The following WNK4 variants were observed in gnomAD, a reference collection of about 807,000 sequenced individuals.
WNK4 encodes serine/threonine-protein kinase WNK4.
Under a neutral mutation model 116.2 loss-of-function variants are expected in WNK4, and 94 were observed. That is an observed-to-expected ratio of 0.81 (90% CI 0.68 to 0.96). WNK4 has a LOEUF of 0.96. Among genes scored for constraint, WNK4 ranks in the 40% least tolerant of loss-of-function variants. WNK4 has a pLI of 0.00. For missense variants in WNK4, 1,542 were observed against 1,650.6 expected (o/e 0.93, Z 1.14); for synonymous variants, 655 against 672.7 (o/e 0.97, Z 0.41).
chr17:42,794,950 CT>C lies in WNK4; in HGVS notation c.2530del (p.Ser844ProfsTer91). 6.3e-7 allele frequency: 1 copy of C among 1,594,158 alleles called. No individual in the cohort carries two copies. Among genetic ancestry groups the C allele is most frequent in the South Asian group, 1.1e-5 (1 of 90,652 alleles). On this transcript the variant is annotated frameshift_variant, in exon 14 of 19. Coordinates refer to ENST00000246914, the MANE Select transcript of WNK4 (RefSeq NM_032387.5). LOFTEE classifies it high-confidence loss of function. ...PPCHPSPSPFSPISSQVSSNP... is the reference protein window; with the variant it reads ...PPCHPSPSPFXPISSQVSSNP... ...CATGTCATCCCAGCCCCTCCCCATT[CT>C]CCCCCATTTCTTCCCAGGTCTCCTC...
intron 11 of WNK4, 62 bp downstream of exon 11, chr17:42,788,859 G>A (rs2054581197): frequency 7.2e-7 from 1 of 1,386,296 alleles, no homozygotes; most frequent in Admixed American, 1.7e-5. Context: ...CCTTCCTGAT[G>A]TCCGCTGGGG....
intron 17 of WNK4, 49 bp from the exon 18 acceptor site, chr17:42,796,432 A>G: frequency 6.2e-7 from 1 of 1,612,112 alleles, no homozygotes; most frequent in African/African-American, 1.3e-5. Context: ...CCCTCTCCCC[A>G]CCTCCCCTTT....
intron 11 of WNK4, among the ~76,000 whole-genome samples, chr17:42,791,326 C>G (rs1193417186): frequency 1.3e-5 from 2 of 152,232 alleles, no homozygotes. Context: ...TTCAGCTACA[C>G]TTGAGTCCTC....
chr17:42,793,676 T>C lies in WNK4; in HGVS notation c.2242T>C (p.Leu748=). ...GATTATCCAGCGAGTGGAGACCCTG[T>C]TGAAGAGAGACACTGGCCCCATGGA... is the stretch of plus-strand genomic sequence containing the variant. ...REIIQRVETL[L]KRDTGPMEAA... is the part of the protein sequence containing the mutation. Residue 748 remains leucine (L), a synonymous_variant, in exon 12 of 19, where the codon TTG becomes CTG. Coordinates refer to ENST00000246914, the MANE Select transcript of WNK4 (RefSeq NM_032387.5). 6.2e-6 allele frequency: 10 copies of C among 1,614,060 alleles called. No homozygotes were observed. The highest frequency in any genetic ancestry group is 8.5e-6 in the Non-Finnish European group (10 of 1,179,998).
At chr17:42,785,027 G>A (rs61754355) in intron 4 of WNK4, 70 bp from the exon 5 acceptor site, 18 of 1,484,776 alleles carry the variant, frequency 1.2e-5, no homozygotes, top group Non-Finnish European at 1.6e-5. Flanking sequence ...TGGAGTAAGG[G>A]GTGGGGGGTG....
rs558369983 is a variant in WNK4 at position 42,784,321 on chromosome 17, G to A, written c.1013-101G>A. On this transcript the variant is annotated intron_variant, in intron 3 of 18. Transcript: ENST00000246914. The surrounding 1 kb of genome is among the most constrained non-coding windows in gnomAD (Gnocchi z 4.4). ...ACCCACCTCAACCCCACTGTGGGCC[G>A]GGGTCACTTGCACTCGCAGGGTTGC... 6.2e-5 allele frequency: 96 copies of A among 1,554,584 alleles called. 1 individual carries two copies. The South Asian group carries it at 1.0e-3, about 16-fold the overall frequency.
intron 6 of WNK4, among the ~76,000 whole-genome samples, chr17:42,786,285 G>A (rs901306495): frequency 2.6e-5 from 4 of 152,198 alleles, no homozygotes; most frequent in African/African-American, 7.2e-5. Context: ...CAAAGCTTGC[G>A]GCTAAAAGGA....
Position 42,784,932 on chromosome 17 carries a change from G to C in WNK4, c.1171-165G>C, listed in dbSNP as rs1338048277. ...AGATCACACTGTAAATACTTGGGGG[G>C]GGGGCGGGGATTAGGATTTGAAATC... On this transcript the variant is annotated intron_variant, in intron 4 of 18. Transcript: ENST00000246914. The surrounding 1 kb of genome is among the most constrained non-coding windows in gnomAD (Gnocchi z 4.4). Among the ~76,000 whole-genome samples the C allele has an allele frequency of 1.4e-4, 21 of 150,502 alleles. No individual in the cohort carries two copies. Among genetic ancestry groups the C allele is most frequent in the East Asian group, 3.9e-4 (2 of 5,112 alleles).
rs746335473 is a variant in WNK4, at chr17:42,788,202, C to T, written c.1922+14C>T. 1.9e-6 allele frequency: 3 copies of T among 1,614,150 alleles called. No individual in the cohort carries two copies. The highest frequency in any genetic ancestry group is 2.5e-6 in the Non-Finnish European group (3 of 1,180,020). On this transcript the variant is annotated intron_variant, in intron 9 of 18. Transcript: ENST00000246914. Reference sequence around the variant, plus strand: ...CCCCGGGGACAGGTATGTTCTGGTACAAGTTGGGGTGCCAGGGTGAGACAC... The same window carrying T: ...CCCCGGGGACAGGTATGTTCTGGTATAAGTTGGGGTGCCAGGGTGAGACAC...
chr17:42,785,578 C>T, intron 6 of WNK4, 96 bp downstream of exon 6: 3 of 1,396,784 alleles, frequency 2.1e-6, no homozygotes, highest in Non-Finnish European at 3.0e-6. Flanking sequence ...GGGGTGGCAG[C>T]GATGGGGGCG....
chr17:42,782,910 G>T lies in WNK4; in HGVS notation c.771G>T (p.Met257Ile). 1 of 1,614,134 alleles carries T rather than the reference G, an allele frequency of 6.2e-7. No individual in the cohort carries two copies. Among genetic ancestry groups the T allele is most frequent in the Non-Finnish European group, 8.5e-7 (1 of 1,180,004 alleles). ...QVCIVLVTEL[M>I]TSGTLKTYLR... ...GCATCGTGCTGGTCACCGAACTCAT[G>T]ACCTCGGGCACGCTCAAGACGTGAG... The change falls in exon 2 of 19, where the codon ATG (methionine) becomes ATT (isoleucine). Residue 257 changes from methionine to isoleucine, a missense_variant. Met to Ile is a conservative substitution (Grantham distance 10). Transcript: ENST00000246914. This position sits in a 1 kb window ranked among gnomAD's most constrained non-coding sequence, Gnocchi z 4.2.
Position 42,794,876 on chromosome 17 carries a change from C to T in WNK4, c.2455C>T (p.Pro819Ser). The change falls in exon 14 of 19, where the codon CCT becomes TCT. Residue 819 changes from proline (P) to serine (S), a missense_variant. Physicochemically the swap from Pro to Ser is moderately conservative, Grantham distance 74. Coordinates refer to ENST00000246914, the MANE Select transcript of WNK4 (RefSeq NM_032387.5). ...TTTGTCTCCTGGAAACCCATTTTCCCCTGGAACCCCCATTTCCCCAGGTCC... is the reference window on the plus strand; with the variant it reads ...TTTGTCTCCTGGAAACCCATTTTCCTCTGGAACCCCCATTTCCCCAGGTCC... ...TPLSPGNPFS[P>S]GTPISPGPIF... 6.2e-7 allele frequency: 1 copy of T among 1,613,788 alleles called. No homozygotes were observed. The highest frequency in any genetic ancestry group is 8.5e-7 in the Non-Finnish European group (1 of 1,179,922).
At position 42,794,767 on chromosome 17, in the gene WNK4, C is replaced by T; in HGVS notation, c.2351-5C>T. Reference sequence around the variant, plus strand: ...ACTGTGGTCTCAACATACCCTCCTTCCCAGAAGAGCTCCAGAGCAGCACCT... The same window carrying T: ...ACTGTGGTCTCAACATACCCTCCTTTCCAGAAGAGCTCCAGAGCAGCACCT... On this transcript the variant is annotated splice_region_variant and splice_polypyrimidine_tract_variant and intron_variant, in intron 13 of 18. Transcript: ENST00000246914. The T allele has an allele frequency of 6.2e-7, 1 of 1,613,968 alleles. No individual in the cohort carries two copies. The highest frequency in any genetic ancestry group is 8.5e-7 in the Non-Finnish European group (1 of 1,179,970).
In WNK4 at chr17:42,781,015, C is replaced by A; in HGVS notation, c.317C>A (p.Pro106His). 2 of 1,610,562 alleles carry A rather than the reference C, an allele frequency of 1.2e-6. No individual in the cohort carries two copies. Among genetic ancestry groups the A allele is most frequent in the Non-Finnish European group, 1.7e-6 (2 of 1,179,254 alleles). The part of the protein sequence containing the change: ...RSPPPSSKEP[P>H]EGTWTEGAPV... The stretch of plus-strand genomic sequence containing the variant: ...CCACCGCCTAGCTCCAAAGAACCCC[C>A]CGAGGGCACGTGGACCGAGGGAGCC... The change falls in exon 1 of 19, where the codon CCC becomes CAC. Residue 106 changes from proline to histidine, a missense_variant. Around this residue, in one of 7 missense-constraint regions of WNK4, gnomAD observed 243 missense variants for 217.8 expected, o/e 1.12. Coordinates refer to ENST00000246914, the MANE Select transcript of WNK4 (RefSeq NM_032387.5).
Position 42,795,818 on chromosome 17 carries a change from G to C in WNK4, c.3216G>C (p.Glu1072Asp). The C allele has an allele frequency of 6.2e-7, 1 of 1,613,856 alleles. No individual in the cohort carries two copies. Among genetic ancestry groups the C allele is most frequent in the Non-Finnish European group, 8.5e-7 (1 of 1,180,018 alleles). ...CAGAGACCAGGGAAGCTCTGGCTGA[G>C]AGCGACCGTGCAGCTGAGGGTCTGG... is the stretch of plus-strand genomic sequence containing the variant. ...GGPETREALAESDRAAEGLGA... is the reference protein window; with the variant it reads ...GGPETREALADSDRAAEGLGA... The change falls in exon 16 of 19, where the codon GAG (glutamate) becomes GAC (aspartate). Residue 1072 changes from glutamate (E) to aspartate (D), a missense_variant. Around this residue, in one of 7 missense-constraint regions of WNK4, gnomAD observed 292 missense variants for 290.1 expected, o/e 1.01. Transcript: ENST00000246914.
At position 42,780,626 on chromosome 17, in the gene WNK4, A is replaced by G; in HGVS notation, c.-73A>G. ...CGCTCAGCCGGAGCGCAGCGCACCC[A>G]GCGAGTCCGTCTGTCAGGCCGCCTC... On this transcript the variant is annotated 5_prime_UTR_variant, in exon 1 of 19. Transcript: ENST00000246914. The G allele has an allele frequency of 3.2e-6, 5 of 1,583,266 alleles. No individual in the cohort carries two copies. In the South Asian group the frequency reaches 3.3e-5, roughly 11 times the overall value.
Position 42,782,956 on chromosome 17 carries a change from G to A in WNK4, c.791+26G>A. ...GTGAGCTCTGCGCATGAGTGGGTGG[G>A]GAGAGGGAGGCTGGGATGTGTGCCC... On this transcript the variant is annotated intron_variant, in intron 2 of 18. Transcript: ENST00000246914. This position sits in a 1 kb window ranked among gnomAD's most constrained non-coding sequence, Gnocchi z 4.2. 6.2e-7 allele frequency: 1 copy of A among 1,612,004 alleles called. No homozygotes were observed. Among genetic ancestry groups the A allele is most frequent in the Non-Finnish European group, 8.5e-7 (1 of 1,179,228 alleles).
rs191468528 is a variant in WNK4, at chr17:42,785,840, G to A, written c.1476+358G>A. On this transcript the variant is annotated intron_variant, in intron 6 of 18. Coordinates refer to ENST00000246914, the MANE Select transcript of WNK4 (RefSeq NM_032387.5). ...TCAGAACCATCGATTTCGGGAAGCC[G>A]TCCCCTTTGGAGTCAAACTTAAATG... Among the ~76,000 whole-genome samples the A allele has an allele frequency of 1.6e-3, 245 of 151,680 alleles. 1 individual carries two copies. The highest frequency in any genetic ancestry group is 3.1e-3 in the Non-Finnish European group (209 of 67,926).
intron 6 of WNK4, among the ~76,000 whole-genome samples, chr17:42,785,744 C>T (rs954131008): frequency 6.6e-6 from 1 of 152,174 alleles, no homozygotes; most frequent in African/African-American, 2.4e-5. Context: ...CCTGGGATGC[C>T]CTTCTTGCCA....
Sources: allele counts gnomAD v4.1 joint callset (sites outside exome capture counted in the v4.1 genomes callset), GRCh38; gene constraint gnomAD v4.1.1; regional missense constraint gnomAD v4.1.1; non-coding constraint Gnocchi (gnomAD v3.1); transcripts MANE v1.5; gene names NCBI Gene and HGNC (gene_info 2026-07-23, HGNC 2026-07-21).